The following UNC79 variants were observed in gnomAD, a reference collection of about 807,000 sequenced individuals.
UNC79 encodes the protein unc-79 subunit of NALCN channel complex.
Under a neutral mutation model 283.1 loss-of-function variants are expected in UNC79, and 37 were observed. The observed-to-expected ratio is 0.13, with a 90% CI of 0.10 to 0.17. The LOEUF is 0.17. Ranked by LOEUF, UNC79 falls within the 10% of genes least tolerant of loss-of-function variation. UNC79 has a pLI of 1.00. For synonymous variants in UNC79, 1,107 were observed against 1,200.2 expected, an observed-to-expected ratio of 0.92 and a Z score of 1.61; for missense variants, 2,272 against 3,211.1, an observed-to-expected ratio of 0.71 and a Z score of 7.07.
exon 21 of UNC79, chr14:93,586,598 G>A (rs912926358): frequency 2.5e-6 from 4 of 1,613,316 alleles, no homozygotes; most frequent in Non-Finnish European, 3.4e-6. Flanking sequence ...CTTCACAGCA[G>A]TAAAGAATGA....
At chr14:93,482,602 T>C (rs61166924) in intron 4 of UNC79, among the ~76,000 whole-genome samples, 2,653 of 152,286 alleles carry the variant, frequency 0.017, 36 homozygotes, top group South Asian at 0.072. Flanking sequence ...TTCTGTCACA[T>C]TGAAAAACTT....
intron 26 of UNC79, among the ~76,000 whole-genome samples, chr14:93,610,825 G>A (rs2066251171): frequency 2.0e-5 from 3 of 151,970 alleles, no homozygotes; most frequent in South Asian, 2.1e-4. Context: ...TGCCTAGGCT[G>A]GTCTCAAACT....
At chr14:93,513,997 A>G (rs1306414399) in intron 7 of UNC79, among the ~76,000 whole-genome samples, 1 of 152,232 alleles carries the variant, frequency 6.6e-6, no homozygotes, top group Non-Finnish European at 1.5e-5. Flanking sequence ...AAGAAGGAAC[A>G]TGTAAAATCA....
intron 1 of UNC79, among the ~76,000 whole-genome samples, chr14:93,435,744 A>G (rs1468797747): frequency 1.3e-5 from 2 of 152,178 alleles, no homozygotes; most frequent in Non-Finnish European, 2.9e-5. Flanking sequence ...TATTCAACAC[A>G]TTCCCAAGCC....
At chr14:93,667,206 GACAAAGGAAGGA>G (rs2072300034) in intron 40 of UNC79, among the ~76,000 whole-genome samples, 1 of 149,044 alleles carries the variant, frequency 6.7e-6, no homozygotes, top group South Asian at 2.1e-4. Flanking sequence ...AGGAAGGAAG[GACAAAGGAAGGA>G]ACAAAGGAGG....
chr14:93,604,759 C>A, intron 26 of UNC79, 137 bp from the exon 27 acceptor site: 1 of 868,792 alleles, frequency 1.2e-6, no homozygotes, highest in Non-Finnish European at 1.6e-6. Context: ...GTTACATAAA[C>A]AACTTTTATG....
In UNC79 at chr14:93,647,123, AATT is replaced by A. The variant is rs879641429; in HGVS notation, c.6083+478_6083+480del. 3.2e-3 allele frequency among the ~76,000 whole-genome samples: 480 copies of A among 152,360 alleles called. 1 individual carries two copies. Among genetic ancestry groups the A allele is most frequent in the Non-Finnish European group, 5.0e-3 (337 of 68,036 alleles). On this transcript the variant is annotated intron_variant, in intron 35 of 48. Coordinates refer to ENST00000555664, the Ensembl canonical transcript of UNC79. Reference sequence around the variant, plus strand: ...GAATAAAATATTTGCACAAATTTATAATTGTAAACTGTGCTAAGTGCTATGAAG... The same window carrying A: ...GAATAAAATATTTGCACAAATTTATAGTAAACTGTGCTAAGTGCTATGAAG...
intron 1 of UNC79, among the ~76,000 whole-genome samples, chr14:93,404,524 A>G (rs1275030909): frequency 3.0e-5 from 4 of 133,332 alleles, no homozygotes; most frequent in African/African-American, 1.1e-4. Flanking sequence ...AAATATATAC[A>G]TATTATATAT....
chr14:93,393,223 AG>A (rs1416964743), intron 1 of UNC79, among the ~76,000 whole-genome samples: 1 of 152,202 alleles, frequency 6.6e-6, no homozygotes, highest in East Asian at 1.9e-4. Flanking sequence ...TGCTGCTCAA[AG>A]ATCCTGCATG....
At chr14:93,363,021 C>G (rs1178601204) in intron 1 of UNC79, among the ~76,000 whole-genome samples, 2 of 151,794 alleles carry the variant, frequency 1.3e-5, no homozygotes, top group Non-Finnish European at 2.9e-5. Flanking sequence ...GGTTGGTTTC[C>G]TTTTGTTTTT....
chr14:93,532,077 A>G (rs1465493996), intron 10 of UNC79, among the ~76,000 whole-genome samples: 2 of 152,142 alleles, frequency 1.3e-5, no homozygotes, highest in Non-Finnish European at 2.9e-5. Flanking sequence ...GTAGACGATA[A>G]TTTATGAGCC....
chr14:93,552,630 C>T (rs1951714), intron 14 of UNC79, among the ~76,000 whole-genome samples: 152,057 of 152,344 alleles, frequency 1, 75,888 homozygotes, highest in Middle Eastern at 1. Context: ...GCAAATTAAA[C>T]TTTAGTTTCA....
chr14:93,417,152 G>C (rs2055480135), intron 1 of UNC79, among the ~76,000 whole-genome samples: 2 of 152,070 alleles, frequency 1.3e-5, no homozygotes, highest in Non-Finnish European at 2.9e-5. Flanking sequence ...TTTTGCAGTG[G>C]CTGGTACCGG....
At chr14:93,448,080 C>G (rs1385604149) in intron 1 of UNC79, among the ~76,000 whole-genome samples, 2 of 151,964 alleles carry the variant, frequency 1.3e-5, no homozygotes, top group Non-Finnish European at 2.9e-5. Context: ...TTCTCAGCCC[C>G]GTTCTTTTTG....
At chr14:93,448,911 T>C (rs2056548502) in intron 1 of UNC79, among the ~76,000 whole-genome samples, 1 of 152,232 alleles carries the variant, frequency 6.6e-6, no homozygotes, top group East Asian at 1.9e-4. Flanking sequence ...TAGAATCTGC[T>C]CCATCACTTT....
chr14:93,488,683 T>C (rs889015306), intron 5 of UNC79, among the ~76,000 whole-genome samples: 5 of 152,188 alleles, frequency 3.3e-5, no homozygotes, highest in African/African-American at 1.2e-4. Flanking sequence ...AACATTTATT[T>C]TTCTCATTTC....
chr14:93,397,383 C>T (rs891620126), intron 1 of UNC79: 1 of 152,180 alleles, frequency 6.6e-6, no homozygotes, highest in Non-Finnish European at 1.5e-5. Flanking sequence ...AGGGAACTAC[C>T]AGACAGATTG....
At chr14:93,420,315 A>G (rs780581962) in intron 1 of UNC79, among the ~76,000 whole-genome samples, 5 of 151,760 alleles carry the variant, frequency 3.3e-5, no homozygotes, top group Admixed American at 1.3e-4. Context: ...AGGAGTGGCT[A>G]TATTTATATC....
intron 8 of UNC79, among the ~76,000 whole-genome samples, chr14:93,525,640 C>G (rs1277383410): frequency 6.6e-6 from 1 of 152,140 alleles, no homozygotes; most frequent in African/African-American, 2.4e-5. Flanking sequence ...CTCGATTTTT[C>G]ACAATGATGA....
Sources: gnomAD v4.1 joint callset for allele counts (sites outside exome capture counted in the v4.1 genomes callset) on GRCh38, gnomAD v4.1.1 for gene constraint, MANE v1.5 for transcripts, NCBI Gene and HGNC (gene_info 2026-07-23, HGNC 2026-07-21) for gene names.